VSTM1: variants seen among roughly 807,000 people sequenced by gnomAD.
The protein encoded by VSTM1 is V-set and transmembrane domain containing 1, also known as V-set and transmembrane domain-containing protein 1.
A neutral mutation model predicts 33.1 loss-of-function variants in VSTM1; 27 were observed. The ratio of observed to expected loss-of-function variants is 0.82; its 90% CI spans 0.60 to 1.12. The LOEUF (loss-of-function observed/expected upper bound fraction) is 1.12. VSTM1 is among the 50% of genes most tolerant of loss of function. The pLI is 0.00. For missense variants in VSTM1, 304 were observed against 288.9 expected (o/e 1.05, Z -0.38); for synonymous variants, 115 against 110.3 (o/e 1.04, Z -0.27).
intron 1 of VSTM1, among the ~76,000 whole-genome samples, chr19:54,061,993 T>C (rs1366732971): frequency 5.9e-5 from 9 of 151,852 alleles, no homozygotes; most frequent in African/African-American, 1.9e-4. Context: ...CTGTCTCTAC[T>C]AAAAATACAA....
chr19:54,056,967 T>C (rs1318613312), intron 3 of VSTM1, among the ~76,000 whole-genome samples: 8 of 140,312 alleles, frequency 5.7e-5, no homozygotes, highest in African/African-American at 2.1e-4. Flanking sequence ...ATTCTCTTCC[T>C]GCCTCAGCCT....
chr19:54,044,839 C>T (rs1167634155), intron 4 of VSTM1, among the ~76,000 whole-genome samples: 1 of 152,132 alleles, frequency 6.6e-6, no homozygotes, highest in Non-Finnish European at 1.5e-5. Context: ...CGACAGAGTC[C>T]ATGCAGTTCC....
intron 1 of VSTM1, among the ~76,000 whole-genome samples, chr19:54,059,059 C>CTTTTT (rs68002308): frequency 3.8e-5 from 4 of 104,220 alleles, no homozygotes; most frequent in Non-Finnish European, 5.6e-5. Flanking sequence ...CTTCTTCTTT[C>CTTTTT]TTTTTTTTTT....
intron 3 of VSTM1, 67 bp downstream of exon 3, chr19:54,058,239 T>TAAAAAGAAAAA (rs1555764212): frequency 2.3e-6 from 3 of 1,282,146 alleles, no homozygotes; most frequent in Non-Finnish European, 3.2e-6. Flanking sequence ...GACTCTGTCT[T>TAAAAAGAAAAA]AAAAAAAAAA....
chr19:54,060,067 T>C (rs568556839), intron 1 of VSTM1, among the ~76,000 whole-genome samples: 3 of 149,960 alleles, frequency 2.0e-5, no homozygotes, highest in Non-Finnish European at 4.4e-5. Context: ...TTAGCCAGGA[T>C]GGTCTTGATC....
intron 3 of VSTM1, among the ~76,000 whole-genome samples, chr19:54,054,311 G>A (rs2070982560): frequency 7.0e-6 from 1 of 142,440 alleles, no homozygotes; most frequent in South Asian, 2.3e-4. Flanking sequence ...AAGTGTGGGT[G>A]CAGAAATTCT....
intron 3 of VSTM1, chr19:54,053,097 G>C (rs1170547106): frequency 7.0e-6 from 1 of 143,112 alleles, no homozygotes; most frequent in Non-Finnish European, 1.5e-5. Context: ...GCAGACTCTA[G>C]GACCAGTTCA....
intron 8 of VSTM1, 108 bp from the exon 9 acceptor site, chr19:54,041,188 C>A: frequency 8.1e-7 from 1 of 1,237,310 alleles, no homozygotes. Flanking sequence ...TAATTTAAAA[C>A]CCAGGTCCTC....
At chr19:54,059,352 C>T (rs1175173082) in intron 1 of VSTM1, among the ~76,000 whole-genome samples, 1 of 150,906 alleles carries the variant, frequency 6.6e-6, no homozygotes, top group African/African-American at 2.4e-5. Flanking sequence ...TGAGCCACTG[C>T]CCCCGGCCCA....
chr19:54,042,820 A>ATGTGTG (rs762634246), intron 4 of VSTM1, among the ~76,000 whole-genome samples: 1 of 79,960 alleles, frequency 1.3e-5, no homozygotes, highest in East Asian at 2.7e-4. Context: ...ATATATATAT[A>ATGTGTG]TATATATATA....
intron 1 of VSTM1, among the ~76,000 whole-genome samples, chr19:54,060,361 T>G (rs2071334978): frequency 6.6e-6 from 1 of 152,150 alleles, no homozygotes; most frequent in African/African-American, 2.4e-5. Context: ...GGGGCTTGTT[T>G]CAGGGTGAAG....
rs1457267670 is a variant in VSTM1, at chr19:54,055,304, A to G, written c.355+3002T>C. ...AATATAAATTTTCATTTATGTCTGAATAGCAACTGTGAAGCTCATTGTTTT... is the reference window on the plus strand; with the variant it reads ...AATATAAATTTTCATTTATGTCTGAGTAGCAACTGTGAAGCTCATTGTTTT... On this transcript the variant is annotated intron_variant, in intron 3 of 8. Coordinates refer to ENST00000338372, the MANE Select transcript of VSTM1 (RefSeq NM_198481.4). Among the ~76,000 whole-genome samples the G allele has an allele frequency of 2.1e-5, 3 of 141,898 alleles. 1 individual carries two copies. The highest frequency in any genetic ancestry group is 4.7e-5 in the Non-Finnish European group (3 of 64,392). The allele number at this position is 141,898 out of a possible 152,430, so 93.1% of individuals were successfully genotyped here. A position where few individuals can be genotyped will look rare whatever the true frequency, so the allele number is the denominator to read the frequency against.
intron 1 of VSTM1, among the ~76,000 whole-genome samples, chr19:54,062,157 G>GA (rs138345845): frequency 3.3e-4 from 48 of 145,990 alleles, no homozygotes; most frequent in South Asian, 1.3e-3. Context: ...TCCGCCTCAA[G>GA]AAAAAAAAAA....
chr19:54,062,832 G>C (rs1334493988), intron 1 of VSTM1, among the ~76,000 whole-genome samples: 3 of 152,062 alleles, frequency 2.0e-5, no homozygotes, highest in Non-Finnish European at 4.4e-5. Context: ...AGCAGACGAA[G>C]CACGTCGATG....
intron 3 of VSTM1, among the ~76,000 whole-genome samples, chr19:54,058,041 C>A (rs572989424): frequency 2.2e-4 from 33 of 151,982 alleles, no homozygotes; most frequent in African/African-American, 7.7e-4. Context: ...GAGATGGAGA[C>A]CATCCTGGCT....
chr19:54,055,954 G>A (rs2071064431), intron 3 of VSTM1, among the ~76,000 whole-genome samples: 4 of 141,258 alleles, frequency 2.8e-5, no homozygotes, highest in African/African-American at 7.8e-5. Flanking sequence ...GCTGCCCTTG[G>A]TGGGACCTCC....
In VSTM1 at chr19:54,053,642, GC is replaced by G. The variant is rs1290816513; in HGVS notation, c.356-2195del. Among the ~76,000 whole-genome samples, 28 of 141,562 alleles carry G rather than the reference GC, an allele frequency of 2.0e-4. 6 individuals carry two copies. Among genetic ancestry groups the G allele is most frequent in the African/African-American group, 7.3e-4 (28 of 38,332 alleles). 92.9% of individuals were successfully genotyped at this position (141,562 alleles called of 152,430 possible). A position where few individuals can be genotyped will look rare whatever the true frequency, so the allele number is the denominator to read the frequency against. Reference sequence around the variant, plus strand: ...TCCAGATGAGCCAGATGAGAACACAGCCCTTGTTGACACCTTGATTGCATCC... The same window carrying G: ...TCCAGATGAGCCAGATGAGAACACAGCCTTGTTGACACCTTGATTGCATCC... On this transcript the variant is annotated intron_variant, in intron 3 of 8. Transcript: ENST00000338372.
chr19:54,059,993 A>G (rs192650693), intron 1 of VSTM1, among the ~76,000 whole-genome samples: 7,564 of 149,660 alleles, frequency 0.051, 241 homozygotes, highest in Admixed American at 0.091. Flanking sequence ...GACTACAGGC[A>G]CCCGCCACCA....
chr19:54,046,938 G>A (rs2070619504), intron 4 of VSTM1, among the ~76,000 whole-genome samples: 1 of 152,142 alleles, frequency 6.6e-6, no homozygotes, highest in South Asian at 2.1e-4. Flanking sequence ...GCTCACACCT[G>A]TAATCCCAGC....
Sources: allele counts gnomAD v4.1 joint callset (sites outside exome capture counted in the v4.1 genomes callset), GRCh38; gene constraint gnomAD v4.1.1; transcripts MANE v1.5; gene names NCBI Gene and HGNC (gene_info 2026-07-23, HGNC 2026-07-21).